The following SSC5D variants were observed in gnomAD, a reference collection of about 807,000 sequenced individuals.
SSC5D encodes scavenger receptor cysteine rich family member with 5 domains.
A neutral mutation model predicts 104.6 loss-of-function variants in SSC5D; 106 were observed. The observed-to-expected ratio is 1.01, with a 90% CI of 0.87 to 1.19. The LOEUF (loss-of-function observed/expected upper bound fraction) is 1.19. SSC5D is among the 50% of genes most tolerant of loss of function. The pLI, the probability that SSC5D is intolerant of heterozygous loss-of-function variation, is 0.00. For missense variants in SSC5D, 1,993 were observed against 2,153.8 expected, an observed-to-expected ratio of 0.93 and a Z score of 1.48; for synonymous variants, 860 against 883.5, an observed-to-expected ratio of 0.97 and a Z score of 0.47.
Position 55,489,981 on chromosome 19 carries a change from C to T in SSC5D, c.461C>T (p.Pro154Leu). The change falls in exon 4 of 14, where the codon CCC becomes CTC. Residue 154 changes from proline to leucine, a missense_variant. Pro to Leu is a moderately conservative substitution (Grantham distance 98). Transcript: ENST00000389623. ...GAGCTGAGCCCCAGCACGGAGGAGCCCCTGGTGACACATGGTGAGCCCAGG... is the reference window on the plus strand; with the variant it reads ...GAGCTGAGCCCCAGCACGGAGGAGCTCCTGGTGACACATGGTGAGCCCAGG... Reference protein sequence around the residue: ...LLELSPSTEEPLVTHAPRPAG... With the variant: ...LLELSPSTEELLVTHAPRPAG... The T allele has an allele frequency of 6.5e-7, 1 of 1,549,060 alleles. No individual in the cohort carries two copies. Among genetic ancestry groups the T allele is most frequent in the Non-Finnish European group, 8.7e-7 (1 of 1,146,440 alleles).
chr19:55,490,300 C>A lies in SSC5D; in HGVS notation c.478C>A (p.Pro160Thr). The A allele has an allele frequency of 9.6e-7, 1 of 1,043,264 alleles. No individual in the cohort carries two copies. Among genetic ancestry groups the A allele is most frequent in the Non-Finnish European group, 1.4e-6 (1 of 691,746 alleles). 64.6% of individuals were successfully genotyped at this position (1,043,264 alleles called of 1,614,324 possible). A position where few individuals can be genotyped will look rare whatever the true frequency, so the allele number is the denominator to read the frequency against. The change falls in exon 5 of 14, where the codon CCC (proline) becomes ACC (threonine). Residue 160 changes from proline to threonine, a missense_variant and splice_region_variant. Physicochemically the swap from Pro to Thr is conservative, Grantham distance 38. Transcript: ENST00000389623. The stretch of plus-strand genomic sequence containing the variant: ...CCCCTGGCTGTCTCCACTCCCAGCC[C>A]CCCGCCCAGCTGGGAACCCCCAGAA... The part of the protein sequence containing the change: ...STEEPLVTHA[P>T]RPAGNPQNAS...
rs762247290 is a variant in SSC5D at position 55,501,065 on chromosome 19, G to A, written c.2649G>A (p.Trp883Ter). ...CAGACTATGACGATTATCCCCCCTG[G>A]ACCTGGGACCCCACCTCAAGAGAGG... is the stretch of plus-strand genomic sequence containing the variant. ...GYTDYDDYPP[W>*]TWDPTSREDL... Residue 883 changes from tryptophan (W) to a stop codon, truncating the protein, a stop_gained, in exon 12 of 14, where the codon TGG (tryptophan) becomes TGA (stop). Coordinates refer to ENST00000389623, the MANE Select transcript of SSC5D (RefSeq NM_001144950.2). LOFTEE classifies it high-confidence loss of function. 9.7e-6 allele frequency: 15 copies of A among 1,551,734 alleles called. No individual in the cohort carries two copies. Among genetic ancestry groups the A allele is most frequent in the Non-Finnish European group, 1.1e-5 (13 of 1,146,996 alleles).
rs373586066 is a variant in SSC5D at position 55,507,825 on chromosome 19, G to A, written c.2786-5186G>A. Among the ~76,000 whole-genome samples the A allele has an allele frequency of 3.3e-3, 502 of 152,264 alleles. 2 individuals carry two copies. Among genetic ancestry groups the A allele is most frequent in the Non-Finnish European group, 4.6e-3 (312 of 68,026 alleles). ...CTAGAGCGGAGTGTTGGGTGGAAAC[G>A]GTGGCAGCGGGGGAGATGGGGAATG... is the stretch of plus-strand genomic sequence containing the variant. On this transcript the variant is annotated intron_variant, in intron 12 of 13. Coordinates refer to ENST00000389623, the MANE Select transcript of SSC5D (RefSeq NM_001144950.2).
At chr19:55,511,023 C>G (rs1987745473) in intron 12 of SSC5D, among the ~76,000 whole-genome samples, 1 of 152,198 alleles carries the variant, frequency 6.6e-6, no homozygotes, top group Non-Finnish European at 1.5e-5. Context: ...AGGTGATCTG[C>G]CTGCCTCGGC....
In SSC5D at chr19:55,498,072, C is replaced by T. The variant is rs558298468; in HGVS notation, c.1580C>T (p.Ala527Val). 17 of 1,551,582 alleles carry T rather than the reference C, an allele frequency of 1.1e-5. No homozygotes were observed. The Admixed American group carries it at 2.2e-4, about 20-fold the overall frequency. ...DPAAGRFGWG[A>V]GPIWLDDVGC... Reference sequence around the variant, plus strand: ...GCTGCTGGCCGCTTTGGCTGGGGTGCGGGCCCCATCTGGCTAGATGATGTG... The same window carrying T: ...GCTGCTGGCCGCTTTGGCTGGGGTGTGGGCCCCATCTGGCTAGATGATGTG... Residue 527 changes from alanine to valine, a missense_variant, in exon 9 of 14, where the codon GCG becomes GTG. By Grantham distance (64) the Ala-to-Val change is moderately conservative (BLOSUM62 0). Around this residue, in one of 6 missense-constraint regions of SSC5D, gnomAD observed 1,101 missense variants for 1,085.0 expected, o/e 1.01. Transcript: ENST00000389623.
Position 55,490,916 on chromosome 19 carries a change from C to G in SSC5D, c.731C>G (p.Ala244Gly). 6.5e-7 allele frequency: 1 copy of G among 1,543,946 alleles called. No individual in the cohort carries two copies. Among genetic ancestry groups the G allele is most frequent in the Admixed American group, 2.0e-5 (1 of 50,186 alleles). Reference sequence around the variant, plus strand: ...TGCCGGGAACTGGGCTGTGGGGGGGCGCTGGCTGCCCCCGGCGGTGCCAGA... The same window carrying G: ...TGCCGGGAACTGGGCTGTGGGGGGGGGCTGGCTGCCCCCGGCGGTGCCAGA... ...VACRELGCGGALAAPGGARFG... is the reference protein window; with the variant it reads ...VACRELGCGGGLAAPGGARFG... The change falls in exon 6 of 14, where the codon GCG (alanine) becomes GGG (glycine). Residue 244 changes from alanine to glycine, a missense_variant. Around this residue, in one of 6 missense-constraint regions of SSC5D, gnomAD observed 1,101 missense variants for 1,085.0 expected, o/e 1.01. Coordinates refer to ENST00000389623, the MANE Select transcript of SSC5D (RefSeq NM_001144950.2).
Position 55,513,123 on chromosome 19 carries a change from C to T in SSC5D, c.2898C>T (p.Thr966=), listed in dbSNP as rs1161922563. ...GKLGPTLGAG[T]TRSPGSPPTL... ...TAGGACCAACTCTTGGGGCTGGCAC[C>T]ACCAGGAGCCCAGGCAGTCCTCCAA... Residue 966 remains threonine, a synonymous_variant, in exon 13 of 14, where the codon ACC becomes ACT. Coordinates refer to ENST00000389623, the MANE Select transcript of SSC5D (RefSeq NM_001144950.2). The T allele has an allele frequency of 1.3e-6, 2 of 1,540,968 alleles. No homozygotes were observed. Among genetic ancestry groups the T allele is most frequent in the Admixed American group, 2.0e-5 (1 of 49,662 alleles).
intron 9 of SSC5D, among the ~76,000 whole-genome samples, chr19:55,498,559 C>T (rs1450521709): frequency 2.0e-5 from 3 of 152,204 alleles, no homozygotes; most frequent in Non-Finnish European, 4.4e-5. Context: ...TGAAAGGAAG[C>T]AGGCAGGGCA....
At position 55,489,334 on chromosome 19, in the gene SSC5D, G is replaced by T; in HGVS notation, c.53-20G>T. ...CCCAGGATGCCCCTCCCCAGTCACA[G>T]CCATTCCTCCAACCCTCAGAGCGCC... On this transcript the variant is annotated intron_variant, in intron 2 of 13. Transcript: ENST00000389623. The T allele has an allele frequency of 7.0e-7, 1 of 1,430,212 alleles. No individual in the cohort carries two copies. 88.6% of individuals were successfully genotyped at this position (1,430,212 alleles called of 1,614,324 possible).
chr19:55,517,612 C>G lies in SSC5D; in HGVS notation c.3336C>G (p.Ser1112=), dbSNP rs377418614. 1 of 1,551,604 alleles carries G rather than the reference C, an allele frequency of 6.4e-7. No individual in the cohort carries two copies. The highest frequency in any genetic ancestry group is 1.4e-5 in the African/African-American group (1 of 72,856). The part of the protein sequence containing the change: ...PSTPSEVTSL[S]PTSEQVPESD... Reference sequence around the variant, plus strand: ...CACCGTCGGAGGTGACCAGCCTTTCCCCTACCTCAGAGCAGGTCCCAGAAT... The same window carrying G: ...CACCGTCGGAGGTGACCAGCCTTTCGCCTACCTCAGAGCAGGTCCCAGAAT... Residue 1112 remains serine, a synonymous_variant, in exon 14 of 14, where the codon TCC becomes TCG. Coordinates refer to ENST00000389623, the MANE Select transcript of SSC5D (RefSeq NM_001144950.2).
chr19:55,493,892 A>G lies in SSC5D; in HGVS notation c.1193A>G (p.Asp398Gly). The change falls in exon 7 of 14, where the codon GAC becomes GGC. Residue 398 changes from aspartate to glycine, a missense_variant. Physicochemically the swap from Asp to Gly is moderately conservative, Grantham distance 94. This residue lies in a region of SSC5D where 1,101 missense variants were observed against 1,085.0 expected (regional missense o/e 1.01). Transcript: ENST00000389623. ...CAGCATGACTGTCACCACCGCGAGG[A>G]CGCCGGGGCCGTGTGTGACGGTGAG... ...WGQHDCHHREDAGAVCDGMPL... is the reference protein window; with the variant it reads ...WGQHDCHHREGAGAVCDGMPL... The G allele has an allele frequency of 6.7e-7, 1 of 1,492,662 alleles. No individual in the cohort carries two copies. 92.5% of individuals were successfully genotyped at this position (1,492,662 alleles called of 1,614,324 possible). A position where few individuals can be genotyped will look rare whatever the true frequency, so the allele number is the denominator to read the frequency against.
chr19:55,496,932 G>T (rs908940387), intron 8 of SSC5D, among the ~76,000 whole-genome samples: 1 of 152,104 alleles, frequency 6.6e-6, no homozygotes, highest in Non-Finnish European at 1.5e-5. Context: ...GCTAATTTTT[G>T]TATTTTTAGT....
At chr19:55,489,057 T>TGGGGGGGGGGC in intron 2 of SSC5D, 25 bp downstream of exon 2, 1 of 1,247,972 alleles carries the variant, frequency 8.0e-7, no homozygotes, top group Non-Finnish European at 1.0e-6. Flanking sequence ...TCCTCCCATC[T>TGGGGGGGGGGC]GCCCGCCCCC....
intron 1 of SSC5D, 70 bp downstream of exon 1, chr19:55,488,684 G>T (rs1382719976): frequency 7.1e-7 from 1 of 1,413,120 alleles, no homozygotes; most frequent in South Asian, 1.2e-5. Context: ...AGCTTGTCCA[G>T]TTTAGGGACT....
rs539911584 is a variant in SSC5D at position 55,501,229 on chromosome 19, G to A, written c.2785+28G>A. ...GAGAGGCCTGATTGGGGTGGCCATG[G>A]AGGGCCTCCATAAACCTCCATTCGC... On this transcript the variant is annotated intron_variant, in intron 12 of 13. Transcript: ENST00000389623. 6.3e-4 allele frequency: 934 copies of A among 1,481,988 alleles called. 10 individuals are homozygous for A. In the African/African-American group the frequency reaches 0.012, roughly 19 times the overall value. 91.8% of individuals were successfully genotyped at this position (1,481,988 alleles called of 1,614,324 possible).
At position 55,518,840 on chromosome 19, in the gene SSC5D, C is replaced by A; in HGVS notation, c.4564C>A (p.Leu1522Met). The change falls in exon 14 of 14, where the codon CTG becomes ATG. Residue 1522 changes from leucine (L) to methionine (M), a missense_variant. Physicochemically the swap from Leu to Met is conservative, Grantham distance 15 (BLOSUM62 2). This residue lies in a region of SSC5D where 349 missense variants were observed against 397.6 expected (regional missense o/e 0.88). Transcript: ENST00000389623. ...GGAGCGGCAGGAGCGCCAAGCCCTG[C>A]TGCTGGGGCTGACGCAGCTGGTAGA... is the stretch of plus-strand genomic sequence containing the variant. ...EQERQERQALLLGLTQLVEAA... is the reference protein window; with the variant it reads ...EQERQERQALMLGLTQLVEAA... The A allele has an allele frequency of 6.5e-7, 1 of 1,550,360 alleles. No individual in the cohort carries two copies. The highest frequency in any genetic ancestry group is 1.2e-5 in the South Asian group (1 of 84,058).
At chr19:55,490,466 C>A in intron 5 of SSC5D, 58 bp downstream of exon 5, 1 of 655,920 alleles carries the variant, frequency 1.5e-6, no homozygotes, top group South Asian at 1.9e-5. Flanking sequence ...GCCCAGGGCC[C>A]AGAAAAACTG....
rs926352489 is a variant in SSC5D at position 55,490,839 on chromosome 19, C to T, written c.654C>T (p.Arg218=). The change falls in exon 6 of 14, where the codon CGC becomes CGT. Residue 218 remains arginine (R), a synonymous_variant. Transcript: ENST00000389623. The part of the protein sequence containing the change: ...AGRLEVWHGG[R]WGTVCDDGWD... ...GCCTGGAGGTCTGGCACGGCGGGCG[C>T]TGGGGCACCGTATGTGACGATGGCT... is the stretch of plus-strand genomic sequence containing the variant. 4 of 1,547,500 alleles carry T rather than the reference C, an allele frequency of 2.6e-6. No individual in the cohort carries two copies. Among genetic ancestry groups the T allele is most frequent in the Non-Finnish European group, 3.5e-6 (4 of 1,145,562 alleles).
intron 8 of SSC5D, among the ~76,000 whole-genome samples, chr19:55,496,311 G>T (rs1987323504): frequency 1.3e-5 from 2 of 152,148 alleles, no homozygotes; most frequent in African/African-American, 4.8e-5. Context: ...CCCTGGGAGG[G>T]GCAGTCCCTC....
Sources: gnomAD v4.1 joint callset for allele counts (sites outside exome capture counted in the v4.1 genomes callset) on GRCh38, gnomAD v4.1.1 for gene constraint, gnomAD v4.1.1 regional missense constraint, MANE v1.5 for transcripts, NCBI Gene and HGNC (gene_info 2026-07-23, HGNC 2026-07-21) for gene names.